The following EBF1 variants were observed in gnomAD, a reference collection of about 807,000 sequenced individuals.
The protein encoded by EBF1 is transcription factor COE1.
In EBF1, 10 loss-of-function variants were observed where a neutral mutation model predicts 68.4. The observed-to-expected ratio is 0.15, with a 90% CI of 0.09 to 0.25. The LOEUF (loss-of-function observed/expected upper bound fraction) is 0.25. Among genes scored for constraint, EBF1 ranks in the 10% least tolerant of loss-of-function variants. EBF1 has a pLI of 1.00. For missense variants in EBF1, 509 were observed against 794.4 expected, an observed-to-expected ratio of 0.64 and a Z score of 4.32; for synonymous variants, 298 against 299.8, an observed-to-expected ratio of 0.99 and a Z score of 0.06.
At chr5:158,880,653 A>T (rs540405149) in intron 6 of EBF1, among the ~76,000 whole-genome samples, 11 of 152,194 alleles carry the variant, frequency 7.2e-5, no homozygotes, top group African/African-American at 2.7e-4. Flanking sequence ...AAAATAGCTA[A>T]CCGGCCAACA....
At chr5:158,769,727 C>CA (rs370939996) in intron 10 of EBF1, among the ~76,000 whole-genome samples, 75 of 143,612 alleles carry the variant, frequency 5.2e-4, no homozygotes, top group South Asian at 1.1e-3. Flanking sequence ...TGTTGTGGAA[C>CA]AAAAAAAAAA....
chr5:158,818,867 T>G (rs1320031218), intron 8 of EBF1, among the ~76,000 whole-genome samples: 1 of 151,822 alleles, frequency 6.6e-6, no homozygotes, highest in African/African-American at 2.4e-5. Context: ...TAAAAACTCT[T>G]GACTAATAGT....
intron 6 of EBF1, among the ~76,000 whole-genome samples, chr5:158,972,392 G>A (rs1022653927): frequency 3.3e-5 from 5 of 152,186 alleles, no homozygotes; most frequent in Non-Finnish European, 5.9e-5. Flanking sequence ...TTGTCAAAGC[G>A]GATAGATGTT....
At chr5:159,079,126 A>G (rs1422668) in intron 5 of EBF1, among the ~76,000 whole-genome samples, 44,496 of 152,014 alleles carry the variant, frequency 0.29, 6,754 homozygotes, top group Non-Finnish European at 0.32. Flanking sequence ...AGAATCCATT[A>G]CATAATAGGC....
intron 6 of EBF1, among the ~76,000 whole-genome samples, chr5:158,883,523 C>T (rs1799385816): frequency 6.6e-6 from 1 of 152,088 alleles, no homozygotes; most frequent in Non-Finnish European, 1.5e-5. Flanking sequence ...CGTGCACTCC[C>T]TACTAAAAGG....
At chr5:158,727,024 C>CTCT (rs1763131457) in intron 11 of EBF1, among the ~76,000 whole-genome samples, 1 of 152,194 alleles carries the variant, frequency 6.6e-6, no homozygotes, top group Non-Finnish European at 1.5e-5. Flanking sequence ...ACAACAATGC[C>CTCT]GTGAGGCAGC....
chr5:158,947,250 T>G (rs1389307336), intron 6 of EBF1, among the ~76,000 whole-genome samples: 1 of 151,306 alleles, frequency 6.6e-6, no homozygotes, highest in African/African-American at 2.4e-5. Context: ...AAAAAAAAAC[T>G]CCTGCAGCTA....
chr5:159,004,155 T>C (rs1325968616), intron 6 of EBF1, among the ~76,000 whole-genome samples: 2 of 151,684 alleles, frequency 1.3e-5, no homozygotes, highest in East Asian at 3.9e-4. Flanking sequence ...CAGGTGCCTG[T>C]AATCCCAGCT....
chr5:159,016,883 CAG>C (rs2127699515), intron 6 of EBF1, among the ~76,000 whole-genome samples: 1 of 152,318 alleles, frequency 6.6e-6, no homozygotes, highest in East Asian at 1.9e-4. Flanking sequence ...CCTTCACCCA[CAG>C]AAAATCACAA....
chr5:158,922,788 A>G (rs1428665705), intron 6 of EBF1, among the ~76,000 whole-genome samples: 1 of 152,244 alleles, frequency 6.6e-6, no homozygotes, highest in Non-Finnish European at 1.5e-5. Flanking sequence ...TCACTTCAGA[A>G]TTGAGAAAGC....
At chr5:158,776,427 C>T (rs191988364) in intron 10 of EBF1, among the ~76,000 whole-genome samples, 16 of 152,174 alleles carry the variant, frequency 1.1e-4, no homozygotes, top group East Asian at 5.8e-4. Context: ...AAATAAAATT[C>T]GTCCACTTAA....
At chr5:158,740,376 C>G (rs1481882993) in intron 10 of EBF1, among the ~76,000 whole-genome samples, 4 of 152,200 alleles carry the variant, frequency 2.6e-5, no homozygotes, top group Admixed American at 6.5e-5. Flanking sequence ...ATGACTCCCA[C>G]TGTTCACAGA....
At chr5:158,920,828 C>T (rs1808259506) in intron 6 of EBF1, among the ~76,000 whole-genome samples, 1 of 152,186 alleles carries the variant, frequency 6.6e-6, no homozygotes, top group South Asian at 2.1e-4. Context: ...CAGGCTCTGG[C>T]ACCAGCGTGA....
In EBF1 at chr5:158,962,769, T is replaced by G. The variant is rs560653906; in HGVS notation, c.554+110627A>C. ...TCTCGCCTGCGGGACTAAAAAGGTATAGGACTTCGAGCCATCTCTGCAGCC... is the reference window on the plus strand; with the variant it reads ...TCTCGCCTGCGGGACTAAAAAGGTAGAGGACTTCGAGCCATCTCTGCAGCC... On this transcript the variant is annotated intron_variant, in intron 6 of 15. Transcript: ENST00000313708. Among the ~76,000 whole-genome samples the G allele has an allele frequency of 2.6e-5, 4 of 152,310 alleles. No individual in the cohort carries two copies. In the South Asian group the frequency reaches 8.3e-4, roughly 32 times the overall value.
intron 6 of EBF1, among the ~76,000 whole-genome samples, chr5:158,927,858 A>C (rs1026396409): frequency 6.6e-6 from 1 of 152,258 alleles, no homozygotes; most frequent in Admixed American, 6.5e-5. Flanking sequence ...AGCCATCATT[A>C]GTACACCCTC....
rs563403748 is a variant in EBF1, at chr5:158,826,971, T to C, written c.637-3654A>G. Reference sequence around the variant, plus strand: ...TCCTTGGCTCTCAAGCTTTCCTGGTTGATGTGACTTTGGCCAGGTTAACTT... The same window carrying C: ...TCCTTGGCTCTCAAGCTTTCCTGGTCGATGTGACTTTGGCCAGGTTAACTT... On this transcript the variant is annotated intron_variant, in intron 7 of 15. Transcript: ENST00000313708. Among the ~76,000 whole-genome samples, 10 of 152,312 alleles carry C rather than the reference T, an allele frequency of 6.6e-5. No homozygotes were observed. In the South Asian group the frequency reaches 1.9e-3, roughly 28 times the overall value.
chr5:158,842,973 T>A (rs181253518), intron 6 of EBF1, among the ~76,000 whole-genome samples: 4 of 152,336 alleles, frequency 2.6e-5, no homozygotes, highest in African/African-American at 9.6e-5. Flanking sequence ...AGTGCAGTAA[T>A]GATGTTAATA....
chr5:158,901,521 T>G (rs1320415210), intron 6 of EBF1, among the ~76,000 whole-genome samples: 2 of 152,226 alleles, frequency 1.3e-5, no homozygotes, highest in African/African-American at 4.8e-5. Flanking sequence ...TCATTCTTCA[T>G]TCAACATCCA....
At position 158,713,006 on chromosome 5, in the gene EBF1, C is replaced by G; in HGVS notation, c.1333G>C (p.Val445Leu). The change falls in exon 13 of 16, where the codon GTG (valine) becomes CTG (leucine). Residue 445 changes from valine (V) to leucine (L), a missense_variant. This residue lies in a region of EBF1 where 205 missense variants were observed against 247.4 expected (regional missense o/e 0.83). Transcript: ENST00000313708. ...GVNSFSGQLAVNVSEASQATN... is the reference protein window; with the variant it reads ...GVNSFSGQLALNVSEASQATN... The stretch of plus-strand genomic sequence containing the variant: ...GCTTGTGATGCCTCGGAGACATTCA[C>G]GGCCAGTTGTCCACTGAACGAATTC... 6.5e-7 allele frequency: 1 copy of G among 1,531,426 alleles called. No individual in the cohort carries two copies. The highest frequency in any genetic ancestry group is 8.8e-7 in the Non-Finnish European group (1 of 1,132,330). The allele number at this position is 1,531,426 out of a possible 1,614,324, so 94.9% of individuals were successfully genotyped here.
Sources: allele counts gnomAD v4.1 joint callset (sites outside exome capture counted in the v4.1 genomes callset), GRCh38; gene constraint gnomAD v4.1.1; regional missense constraint gnomAD v4.1.1; transcripts MANE v1.5; gene names NCBI Gene and HGNC (gene_info 2026-07-23, HGNC 2026-07-21).